The following RIMBP2 variants were observed in gnomAD, a reference collection of about 807,000 sequenced individuals.
RIMBP2 encodes the protein RIMS-binding protein 2.
In RIMBP2, 48 loss-of-function variants were observed where a neutral mutation model predicts 118.6. The ratio of observed to expected loss-of-function variants is 0.40; its 90% CI spans 0.32 to 0.51. RIMBP2 has a LOEUF of 0.51. Ranked by LOEUF, RIMBP2 falls within the 20% of genes least tolerant of loss-of-function variation. The probability of loss-of-function intolerance (pLI) is 0.41; values close to 1 mark genes in which losing one functional copy is unlikely to be tolerated. For synonymous variants in RIMBP2, 762 were observed against 742.9 expected (o/e 1.03, Z -0.42); for missense variants, 1,551 against 1,768.3 (o/e 0.88, Z 2.20).
intron 2 of RIMBP2, among the ~76,000 whole-genome samples, chr12:130,564,918 A>T (rs1445916108): frequency 2.0e-5 from 3 of 152,200 alleles, no homozygotes; most frequent in Non-Finnish European, 4.4e-5. Flanking sequence ...AAACCCAAGA[A>T]AACTTTTGGA....
intron 1 of RIMBP2, among the ~76,000 whole-genome samples, chr12:130,711,238 G>C (rs776040766): frequency 6.6e-6 from 1 of 152,142 alleles, no homozygotes; most frequent in South Asian, 2.1e-4. Context: ...GCAAGACTCT[G>C]TCTCAAAAGA....
chr12:130,676,584 C>CT (rs1242403503), intron 1 of RIMBP2, among the ~76,000 whole-genome samples: 2 of 151,412 alleles, frequency 1.3e-5, no homozygotes, highest in Admixed American at 6.6e-5. Flanking sequence ...GATCGAGCCA[C>CT]TGAACTCCAG....
chr12:130,544,643 A>G (rs2054939771), intron 2 of RIMBP2, among the ~76,000 whole-genome samples: 1 of 121,542 alleles, frequency 8.2e-6, no homozygotes, highest in African/African-American at 3.2e-5. Flanking sequence ...TCCATTGCTC[A>G]GGCTGGAGTG....
Position 130,483,799 on chromosome 12 carries a change from G to A in RIMBP2, c.-3-4783C>T, listed in dbSNP as rs374746715. Among the ~76,000 whole-genome samples the A allele has an allele frequency of 1.4e-4, 16 of 112,670 alleles. No individual in the cohort carries two copies. The East Asian group carries it at 1.6e-3, about 11-fold the overall frequency. The allele number at this position is 112,670 out of a possible 152,430, so 73.9% of individuals were successfully genotyped here. On this transcript the variant is annotated intron_variant, in intron 4 of 22. Coordinates refer to ENST00000690449, the MANE Select transcript of RIMBP2 (RefSeq NM_001393629.1). Reference sequence around the variant, plus strand: ...CCTACACACAGTGCCCGGAGCCCCCGTCCCCACCTAGATACGGTGCCCGGA... The same window carrying A: ...CCTACACACAGTGCCCGGAGCCCCCATCCCCACCTAGATACGGTGCCCGGA...
intron 5 of RIMBP2, among the ~76,000 whole-genome samples, chr12:130,478,173 G>GTCCTTCCT (rs2081607403): frequency 1.3e-5 from 2 of 152,138 alleles, no homozygotes; most frequent in East Asian, 3.9e-4. Context: ...AAATCACTCA[G>GTCCTTCCT]TCCTTCCTTC....
chr12:130,659,252 AT>A (rs1205417863), intron 1 of RIMBP2, among the ~76,000 whole-genome samples: 1 of 152,230 alleles, frequency 6.6e-6, no homozygotes, highest in Non-Finnish European at 1.5e-5. Context: ...AAATATTACC[AT>A]TTCAACATGG....
At chr12:130,603,379 G>A (rs540654125) in intron 2 of RIMBP2, among the ~76,000 whole-genome samples, 6 of 152,238 alleles carry the variant, frequency 3.9e-5, no homozygotes, top group South Asian at 2.1e-4. Flanking sequence ...CAACACATGT[G>A]CTCGGAAGGC....
chr12:130,684,030 T>C (rs927813870), intron 1 of RIMBP2, among the ~76,000 whole-genome samples: 1 of 152,106 alleles, frequency 6.6e-6, no homozygotes, highest in Non-Finnish European at 1.5e-5. Flanking sequence ...TCTGGCACCT[T>C]TATAAGTCTG....
chr12:130,563,411 A>C (rs1241301283), intron 2 of RIMBP2, among the ~76,000 whole-genome samples: 1 of 152,238 alleles, frequency 6.6e-6, no homozygotes, highest in Non-Finnish European at 1.5e-5. Context: ...GATTGCCTGA[A>C]AGTCAATGGG....
At chr12:130,514,699 T>A (rs1028976243) in intron 3 of RIMBP2, among the ~76,000 whole-genome samples, 2 of 152,240 alleles carry the variant, frequency 1.3e-5, no homozygotes, top group East Asian at 3.8e-4. Flanking sequence ...ATCTTTTTTA[T>A]ATTTTTCCTC....
chr12:130,593,443 C>T (rs1452172251), intron 2 of RIMBP2, among the ~76,000 whole-genome samples: 2 of 152,198 alleles, frequency 1.3e-5, no homozygotes, highest in South Asian at 2.1e-4. Flanking sequence ...TCTTGTTAGC[C>T]GTGGGATTAT....
intron 9 of RIMBP2, among the ~76,000 whole-genome samples, chr12:130,449,383 G>T (rs1240514705): frequency 6.6e-6 from 1 of 152,256 alleles, no homozygotes; most frequent in Non-Finnish European, 1.5e-5. Flanking sequence ...GACCTGAGAG[G>T]TGTGCGGGAC....
intron 1 of RIMBP2, among the ~76,000 whole-genome samples, chr12:130,684,834 T>C (rs1201198789): frequency 2.0e-5 from 3 of 152,218 alleles, no homozygotes; most frequent in African/African-American, 7.2e-5. Flanking sequence ...CTTCTCTTAC[T>C]TTCGGGACTG....
At chr12:130,562,905 C>A (rs539401044) in intron 2 of RIMBP2, among the ~76,000 whole-genome samples, 1 of 152,316 alleles carries the variant, frequency 6.6e-6, no homozygotes, top group Admixed American at 6.5e-5. Context: ...AGGGGAAAAT[C>A]ACTGAGCTGG....
At chr12:130,437,532 G>A (rs1171413213) in intron 12 of RIMBP2, among the ~76,000 whole-genome samples, 2 of 152,194 alleles carry the variant, frequency 1.3e-5, no homozygotes, top group South Asian at 2.1e-4. Flanking sequence ...TCAGGCCAGT[G>A]ACGTCAACCA....
chr12:130,649,242 G>T (rs779023210), intron 1 of RIMBP2, among the ~76,000 whole-genome samples: 1 of 114,064 alleles, frequency 8.8e-6, no homozygotes, highest in African/African-American at 2.7e-5. Context: ...CAAGTAAGGC[G>T]CTGGAATGTG....
chr12:130,615,295 ATG>A (rs1219954424), intron 2 of RIMBP2, among the ~76,000 whole-genome samples: 1,632 of 122,526 alleles, frequency 0.013, 73 homozygotes, highest in African/African-American at 0.044. Flanking sequence ...ATATATATAT[ATG>A]TGTACACACA....
chr12:130,600,038 C>T (rs1031837507), intron 2 of RIMBP2, among the ~76,000 whole-genome samples: 2 of 152,212 alleles, frequency 1.3e-5, no homozygotes, highest in Non-Finnish European at 2.9e-5. Flanking sequence ...GGAGCCCCCA[C>T]TCTGCCTCCA....
intron 2 of RIMBP2, among the ~76,000 whole-genome samples, chr12:130,571,670 C>T (rs546876060): frequency 2.2e-4 from 33 of 152,274 alleles, no homozygotes; most frequent in Non-Finnish European, 4.1e-4. Flanking sequence ...AATGCTCAGA[C>T]AGTTGGCACC....
Sources: gnomAD v4.1 joint callset for allele counts (sites outside exome capture counted in the v4.1 genomes callset) on GRCh38, gnomAD v4.1.1 for gene constraint, MANE v1.5 for transcripts, NCBI Gene and HGNC (gene_info 2026-07-23, HGNC 2026-07-21) for gene names.